C14orf39: variants seen among roughly 807,000 people sequenced by gnomAD.
C14orf39 encodes the protein chromosome 14 open reading frame 39.
A neutral mutation model predicts 85.6 loss-of-function variants in C14orf39; 66 were observed. That is an observed-to-expected ratio of 0.77 (90% CI 0.63 to 0.95). C14orf39 has a LOEUF of 0.95. C14orf39 is among the 40% of genes least tolerant of loss of function. C14orf39 has a pLI of 0.00. For synonymous variants in C14orf39, 242 were observed against 214.0 expected (o/e 1.13, Z -1.14); for missense variants, 735 against 663.9 (o/e 1.11, Z -1.18).
intron 9 of C14orf39, among the ~76,000 whole-genome samples, chr14:60,467,472 C>A (rs759688521): frequency 2.6e-5 from 4 of 151,732 alleles, no homozygotes; most frequent in Middle Eastern, 3.4e-3. Flanking sequence ...ATAAATGGGT[C>A]TTTTAAGTTT....
At chr14:60,498,672 A>G (rs1482187391) in intron 2 of C14orf39, among the ~76,000 whole-genome samples, 1 of 152,198 alleles carries the variant, frequency 6.6e-6, no homozygotes, top group Non-Finnish European at 1.5e-5. Flanking sequence ...AATAACCTCA[A>G]TCCTTGGTGC....
intron 16 of C14orf39, among the ~76,000 whole-genome samples, chr14:60,447,424 T>C (rs972080021): frequency 6.6e-6 from 1 of 152,180 alleles, no homozygotes; most frequent in Admixed American, 6.5e-5. Context: ...AGCCAAATCA[T>C]GAGTGAACTC....
intron 16 of C14orf39, among the ~76,000 whole-genome samples, chr14:60,443,437 G>C (rs537840860): frequency 6.6e-6 from 1 of 152,326 alleles, no homozygotes. Flanking sequence ...AGCAGTCTGA[G>C]ATTGACCTGT....
intron 11 of C14orf39, 128 bp downstream of exon 11, chr14:60,465,851 A>AACACACAC (rs10529202): frequency 1.7e-5 from 7 of 414,966 alleles, no homozygotes; most frequent in African/African-American, 8.4e-5. Flanking sequence ...ATAAATTTAT[A>AACACACAC]ACACACACAC....
At chr14:60,439,321 T>G (rs1291002729) in intron 17 of C14orf39, among the ~76,000 whole-genome samples, 1 of 152,112 alleles carries the variant, frequency 6.6e-6, no homozygotes, top group South Asian at 2.1e-4. Flanking sequence ...GCACTGAAGA[T>G]TAATTAAGCT....
intron 11 of C14orf39, among the ~76,000 whole-genome samples, chr14:60,464,898 A>G (rs1891712461): frequency 6.6e-6 from 1 of 151,968 alleles, no homozygotes; most frequent in South Asian, 2.1e-4. Context: ...AATGCTTTCT[A>G]ACTGTTTTAT....
intron 1 of C14orf39, among the ~76,000 whole-genome samples, chr14:60,506,186 G>C (rs1893201523): frequency 6.6e-6 from 1 of 152,142 alleles, no homozygotes; most frequent in Non-Finnish European, 1.5e-5. Flanking sequence ...CAAACCACCA[G>C]TAGCAAGCTG....
At chr14:60,510,036 C>A in intron 1 of C14orf39, 1 of 1,388,700 alleles carries the variant, frequency 7.2e-7, no homozygotes, top group Non-Finnish European at 1.0e-6. Flanking sequence ...GCACCTCTGG[C>A]GCCCTTACCC....
At chr14:60,506,672 C>A (rs1893208090) in intron 1 of C14orf39, among the ~76,000 whole-genome samples, 1 of 152,142 alleles carries the variant, frequency 6.6e-6, no homozygotes. Context: ...TAGTAGTCCC[C>A]AACCTCCAGG....
chr14:60,456,154 CAT>C (rs199927951), intron 15 of C14orf39, among the ~76,000 whole-genome samples: 1,936 of 152,118 alleles, frequency 0.013, 18 homozygotes, highest in South Asian at 0.027. Context: ...TTCTGCTTGA[CAT>C]ATGTTTTAGA....
intron 16 of C14orf39, among the ~76,000 whole-genome samples, chr14:60,444,456 G>A (rs764816891): frequency 1.3e-5 from 2 of 152,154 alleles, no homozygotes; most frequent in African/African-American, 4.8e-5. Context: ...ATCAGTGATT[G>A]AAGATCAAAT....
chr14:60,499,926 G>C (rs1236422151), intron 1 of C14orf39, among the ~76,000 whole-genome samples: 2 of 152,076 alleles, frequency 1.3e-5, no homozygotes, highest in Non-Finnish European at 2.9e-5. Context: ...TCAAAGAAAT[G>C]CCCATTTTAA....
At chr14:60,442,624 ATTC>A (rs1367215490) in intron 16 of C14orf39, among the ~76,000 whole-genome samples, 1 of 152,172 alleles carries the variant, frequency 6.6e-6, no homozygotes, top group Non-Finnish European at 1.5e-5. Context: ...CCATGTCATT[ATTC>A]TTCTAAAATC....
At chr14:60,486,954 C>A (rs1048934375), upstream of C14orf39, among the ~76,000 whole-genome samples, 1 of 151,828 alleles carries the variant, frequency 6.6e-6, no homozygotes, top group African/African-American at 2.4e-5. Context: ...TGTGAAAAAT[C>A]TTTTACTTAG....
Position 60,436,815 on chromosome 14 carries a change from G to T in C14orf39, c.*30C>A. ...TTTATGCCCTCATGAACACAGAACA[G>T]TAAAATAATTTAAGGAATTAATGAC... On this transcript the variant is annotated 3_prime_UTR_variant, in exon 18 of 18. Coordinates refer to ENST00000321731, the MANE Select transcript of C14orf39 (RefSeq NM_174978.3). 6.8e-7 allele frequency: 1 copy of T among 1,479,872 alleles called. No homozygotes were observed. Among genetic ancestry groups the T allele is most frequent in the Non-Finnish European group, 9.4e-7 (1 of 1,069,012 alleles). The allele number at this position is 1,479,872 out of a possible 1,614,324, so 91.7% of individuals were successfully genotyped here.
chr14:60,455,446 T>G (rs1343523487), intron 15 of C14orf39, among the ~76,000 whole-genome samples: 2 of 152,046 alleles, frequency 1.3e-5, no homozygotes, highest in African/African-American at 4.8e-5. Flanking sequence ...ATGATTTGCT[T>G]AAAAGAATAA....
Position 60,515,134 on chromosome 14 carries a change from A to AC in C14orf39, c.-144+260dup, listed in dbSNP as rs1479250152. The AC allele has an allele frequency of 6.6e-6, 1 of 151,532 alleles. No homozygotes were observed. The highest frequency in any genetic ancestry group is 2.4e-5 in the African/African-American group (1 of 41,246). The allele number at this position is 151,532 out of a possible 1,614,324, so 9.4% of individuals were successfully genotyped here. ...GTGTCCCTGCCTGCGCCGCGCGGCT[A>AC]CCCCCGTGCCCGGCGCCGCCGACGG... On this transcript the variant is annotated intron_variant, in intron 1 of 5. Coordinates refer to the C14orf39 transcript ENST00000556799. The surrounding 1 kb of genome is among the most constrained non-coding windows in gnomAD (Gnocchi z 6.2).
intron 17 of C14orf39, among the ~76,000 whole-genome samples, chr14:60,439,845 G>A (rs747460477): frequency 5.2e-4 from 79 of 152,248 alleles, no homozygotes; most frequent in Middle Eastern, 6.8e-3. Flanking sequence ...AGGCCGAGGC[G>A]GGTGGATCAC....
intron 16 of C14orf39, among the ~76,000 whole-genome samples, chr14:60,444,222 T>TTCAGAAGGTCGGTAATAAC (rs1890656587): frequency 6.6e-6 from 1 of 152,154 alleles, no homozygotes; most frequent in Non-Finnish European, 1.5e-5. Flanking sequence ...GGATGCAGGC[T>TTCAGAAGGTCGGTAATAAC]TCAGAAGGTC....
Sources: allele counts gnomAD v4.1 joint callset (sites outside exome capture counted in the v4.1 genomes callset), GRCh38; gene constraint gnomAD v4.1.1; non-coding constraint Gnocchi (gnomAD v3.1); transcripts MANE v1.5; gene names NCBI Gene and HGNC (gene_info 2026-07-23, HGNC 2026-07-21).